Variants in ADAMTS6 observed in about 807,000 individuals in gnomAD.
ADAMTS6 encodes A disintegrin and metalloproteinase with thrombospondin motifs 6.
ADAMTS6 carries 23 observed loss-of-function variants against 144.3 expected under a neutral mutation model. That is an observed-to-expected ratio of 0.16 (90% CI 0.11 to 0.23). The LOEUF is 0.23. ADAMTS6 is among the 10% of genes least tolerant of loss of function. ADAMTS6 has a pLI of 1.00. For synonymous variants in ADAMTS6, 444 were observed against 457.5 expected, an observed-to-expected ratio of 0.97 and a Z score of 0.38; for missense variants, 999 against 1,379.6, an observed-to-expected ratio of 0.72 and a Z score of 4.37.
chr5:65,383,653 G>A (rs763735309), intron 7 of ADAMTS6, among the ~76,000 whole-genome samples: 23 of 152,016 alleles, frequency 1.5e-4, no homozygotes, highest in Non-Finnish European at 2.2e-4. Flanking sequence ...TGGCTCTCCC[G>A]GGCTGGAAAT....
chr5:65,336,404 C>A (rs528326941), intron 7 of ADAMTS6, among the ~76,000 whole-genome samples: 1 of 152,008 alleles, frequency 6.6e-6, no homozygotes, highest in Non-Finnish European at 1.5e-5. Flanking sequence ...ATTAGTGGTG[C>A]TCCAGATCTG....
At chr5:65,182,166 C>T (rs1754396202) in intron 22 of ADAMTS6, among the ~76,000 whole-genome samples, 1 of 152,108 alleles carries the variant, frequency 6.6e-6, no homozygotes, top group South Asian at 2.1e-4. Context: ...AAGGATAAGC[C>T]TGGGTGCGGT....
At position 65,149,195 on chromosome 5, in the gene ADAMTS6, G is replaced by A. The variant is rs116426786; in HGVS notation, c.*2641C>T. On this transcript the variant is annotated 3_prime_UTR_variant, in exon 25 of 25. Transcript: ENST00000381055. ...AGGTGTAGGGTACCAGTTTCCCTGGGGTTCCCTAAGTAGTCTATGTAGCTC... is the reference window on the plus strand; with the variant it reads ...AGGTGTAGGGTACCAGTTTCCCTGGAGTTCCCTAAGTAGTCTATGTAGCTC... 24 of 152,338 alleles carry A rather than the reference G, an allele frequency of 1.6e-4. No individual in the cohort carries two copies. Among genetic ancestry groups the A allele is most frequent in the African/African-American group, 5.3e-4 (22 of 41,548 alleles). The allele number at this position is 152,338 out of a possible 1,614,324, so 9.4% of individuals were successfully genotyped here.
At position 65,324,700 on chromosome 5, in the gene ADAMTS6, C is replaced by T. The variant is rs549348367; in HGVS notation, c.1223+4678G>A. Among the ~76,000 whole-genome samples, 21 of 151,778 alleles carry T rather than the reference C, an allele frequency of 1.4e-4. No individual in the cohort carries two copies. In the South Asian group the frequency reaches 4.4e-3, roughly 32 times the overall value. On this transcript the variant is annotated intron_variant, in intron 9 of 24. Transcript: ENST00000381055. ...ATACAGTTCAATAAGAAAAGAACAA[C>T]CCAGTTTTTTAAAGTGGGAAAAGGA...
At chr5:65,471,719 C>T (rs1417690679) in intron 2 of ADAMTS6, among the ~76,000 whole-genome samples, 1 of 151,694 alleles carries the variant, frequency 6.6e-6, no homozygotes, top group Non-Finnish European at 1.5e-5. Flanking sequence ...GATTGCGCCA[C>T]TGCACTCCAG....
intron 9 of ADAMTS6, among the ~76,000 whole-genome samples, chr5:65,320,231 C>T (rs1285009832): frequency 1.3e-5 from 2 of 151,950 alleles, no homozygotes; most frequent in Non-Finnish European, 2.9e-5. Context: ...ACAAATTGTA[C>T]CTATCAGGAA....
intron 14 of ADAMTS6, among the ~76,000 whole-genome samples, chr5:65,249,905 C>T (rs1219999611): frequency 1.3e-5 from 2 of 152,150 alleles, no homozygotes; most frequent in Non-Finnish European, 2.9e-5. Flanking sequence ...TGGTTCTCAG[C>T]TAGCTATCTG....
chr5:65,371,263 T>A (rs555102008), intron 7 of ADAMTS6, among the ~76,000 whole-genome samples: 8 of 152,344 alleles, frequency 5.3e-5, no homozygotes, highest in East Asian at 1.9e-4. Flanking sequence ...GGAACAAAGC[T>A]GGACGGAGAA....
intron 7 of ADAMTS6, among the ~76,000 whole-genome samples, chr5:65,361,722 TTTTTTC>T (rs1276615861): frequency 3.3e-5 from 5 of 152,090 alleles, no homozygotes; most frequent in Non-Finnish European, 5.9e-5. Flanking sequence ...TATGGTGATT[TTTTTTC>T]TTTTTCTTTT....
At chr5:65,387,719 A>T (rs1287174005) in intron 7 of ADAMTS6, among the ~76,000 whole-genome samples, 1 of 152,186 alleles carries the variant, frequency 6.6e-6, no homozygotes, top group Non-Finnish European at 1.5e-5. Flanking sequence ...CACTCTGAAA[A>T]TTTCCAGAGT....
At chr5:65,218,867 G>A (rs935398308) in intron 18 of ADAMTS6, among the ~76,000 whole-genome samples, 1 of 152,062 alleles carries the variant, frequency 6.6e-6, no homozygotes, top group African/African-American at 2.4e-5. Context: ...GAGGTAAACT[G>A]TTGTAAGGGT....
Position 65,481,847 on chromosome 5 carries a change from C to T in ADAMTS6, c.-784G>A, listed in dbSNP as rs2150299153. 6.6e-6 allele frequency: 1 copy of T among 152,648 alleles called. No homozygotes were observed. The highest frequency in any genetic ancestry group is 1.5e-5 in the Non-Finnish European group (1 of 68,312). The allele number at this position is 152,648 out of a possible 1,614,324, so 9.5% of individuals were successfully genotyped here. A position where few individuals can be genotyped will look rare whatever the true frequency, so the allele number is the denominator to read the frequency against. ...TTTGTTGAAGTAGCCCTAGATCTCA[C>T]TACCGGCCCCCAGCCAACTTGAATT... is the stretch of plus-strand genomic sequence containing the variant. On this transcript the variant is annotated 5_prime_UTR_variant, in exon 1 of 25. It adds an upstream start codon to the 5' untranslated region. Transcript: ENST00000381055.
rs369995262 is a variant in ADAMTS6 at position 65,387,179 on chromosome 5, C to T, written c.1074-53094G>A. Among the ~76,000 whole-genome samples, 14 of 152,236 alleles carry T rather than the reference C, an allele frequency of 9.2e-5. No homozygotes were observed. The East Asian group carries it at 1.9e-3, about 21-fold the overall frequency. ...CAGCATAAGTGCTAAGAAACAAAAC[C>T]TACACTATTAGTCTGAAGTTTAATT... On this transcript the variant is annotated intron_variant, in intron 7 of 24. Transcript: ENST00000381055.
At chr5:65,215,778 G>T (rs992503835) in intron 18 of ADAMTS6, among the ~76,000 whole-genome samples, 11 of 152,320 alleles carry the variant, frequency 7.2e-5, no homozygotes, top group African/African-American at 2.4e-4. Context: ...CTAGGGATGA[G>T]ACTTAACATG....
At chr5:65,303,725 T>C (rs373861037) in intron 9 of ADAMTS6, among the ~76,000 whole-genome samples, 87 of 152,070 alleles carry the variant, frequency 5.7e-4, no homozygotes, top group African/African-American at 2.0e-3. Context: ...AATGAGCACA[T>C]TGAATTAAAA....
intron 19 of ADAMTS6, 87 bp from the exon 20 acceptor site, chr5:65,215,019 T>C: frequency 1.4e-6 from 2 of 1,474,608 alleles, no homozygotes; most frequent in Admixed American, 4.5e-5. Flanking sequence ...GAAGAAAATG[T>C]CAAAACAAGT....
chr5:65,217,414 A>G (rs750471556), intron 18 of ADAMTS6, among the ~76,000 whole-genome samples: 4 of 151,418 alleles, frequency 2.6e-5, no homozygotes, highest in Admixed American at 6.6e-5. Flanking sequence ...GAATTCTAAC[A>G]CCTCTTGGCT....
At chr5:65,388,196 G>A (rs955297287) in intron 7 of ADAMTS6, among the ~76,000 whole-genome samples, 1 of 152,044 alleles carries the variant, frequency 6.6e-6, no homozygotes, top group Admixed American at 6.5e-5. Flanking sequence ...GCTACAGAGT[G>A]AGACTCCAAC....
At chr5:65,427,913 T>A (rs72760583) in intron 7 of ADAMTS6, among the ~76,000 whole-genome samples, 11,830 of 151,184 alleles carry the variant, frequency 0.078, 622 homozygotes, top group South Asian at 0.12. Flanking sequence ...AAAAACATAA[T>A]CAAAAGTCTA....
Sources: gnomAD v4.1 joint callset for allele counts (sites outside exome capture counted in the v4.1 genomes callset) on GRCh38, gnomAD v4.1.1 for gene constraint, MANE v1.5 for transcripts, NCBI Gene and HGNC (gene_info 2026-07-23, HGNC 2026-07-21) for gene names.